INPP4B: variants seen among roughly 807,000 people sequenced by gnomAD.
INPP4B encodes the protein inositol polyphosphate 4-phosphatase type II.
A neutral mutation model predicts 122.5 loss-of-function variants in INPP4B; 55 were observed. The observed-to-expected ratio is 0.45, with a 90% confidence interval of 0.36 to 0.56. The LOEUF (loss-of-function observed/expected upper bound fraction) is 0.56. Among genes scored for constraint, INPP4B ranks in the 20% least tolerant of loss-of-function variants. The pLI is 0.00. For synonymous variants in INPP4B, 403 were observed against 388.7 expected (o/e 1.04, Z -0.43); for missense variants, 1,000 against 1,097.7 (o/e 0.91, Z 1.26).
chr4:142,194,458 TATG>T (rs1837326268), intron 14 of INPP4B, among the ~76,000 whole-genome samples: 1 of 152,182 alleles, frequency 6.6e-6, no homozygotes, highest in Non-Finnish European at 1.5e-5. Flanking sequence ...ACATCTGTTC[TATG>T]TCATGGAAAG....
chr4:142,156,911 A>C (rs1464406260), intron 17 of INPP4B, among the ~76,000 whole-genome samples: 1 of 152,166 alleles, frequency 6.6e-6, no homozygotes, highest in Non-Finnish European at 1.5e-5. Context: ...TCAGGTAATT[A>C]TTACAGTCAC....
intron 8 of INPP4B, 71 bp downstream of exon 8, chr4:142,314,641 G>C (rs1285786377): frequency 7.1e-6 from 10 of 1,398,860 alleles, no homozygotes; most frequent in Non-Finnish European, 9.9e-6. Flanking sequence ...CCAAGCAGGA[G>C]GCCAGAGAAA....
chr4:142,149,734 G>A (rs1812782985), intron 17 of INPP4B, among the ~76,000 whole-genome samples: 1 of 152,148 alleles, frequency 6.6e-6, no homozygotes, highest in African/African-American at 2.4e-5. Context: ...GGACCCTCAA[G>A]TTTGAGATCA....
At chr4:142,050,444 C>T (rs1753906628) in intron 25 of INPP4B, among the ~76,000 whole-genome samples, 1 of 151,832 alleles carries the variant, frequency 6.6e-6, no homozygotes, top group Non-Finnish European at 1.5e-5. Flanking sequence ...AGATTATTAG[C>T]TAGTGGATTC....
chr4:142,417,860 C>T (rs1047519843), intron 5 of INPP4B, among the ~76,000 whole-genome samples: 1 of 152,092 alleles, frequency 6.6e-6, no homozygotes, highest in African/African-American at 2.4e-5. Flanking sequence ...ATGTTGTAAG[C>T]TAAAATTTAA....
chr4:142,685,428 T>G (rs1399406664), intron 2 of INPP4B, among the ~76,000 whole-genome samples: 4 of 152,070 alleles, frequency 2.6e-5, no homozygotes, highest in African/African-American at 7.2e-5. Context: ...CAATAAATAT[T>G]TTAGTGACTT....
intron 18 of INPP4B, among the ~76,000 whole-genome samples, chr4:142,129,832 A>G (rs527823915): frequency 3.9e-5 from 6 of 152,120 alleles, no homozygotes; most frequent in East Asian, 1.9e-4. Context: ...TTCTTATATC[A>G]TTGCTCCCCC....
intron 3 of INPP4B, among the ~76,000 whole-genome samples, chr4:142,442,778 G>C (rs1812094112): frequency 6.6e-6 from 1 of 152,132 alleles, no homozygotes; most frequent in Non-Finnish European, 1.5e-5. Context: ...GTATTAGTCT[G>C]TTCTCACACT....
rs1276009653 is a variant in INPP4B at position 142,350,662 on chromosome 4, T to A, written c.373-35900A>T. On this transcript the variant is annotated intron_variant, in intron 7 of 25. Coordinates refer to ENST00000262992, the MANE Select transcript of INPP4B (RefSeq NM_001101669.3). ...GGTAAGATATTTTACAACACAGAAG[T>A]CATTTAAGAATGTCTAAGCCACTGT... Among the ~76,000 whole-genome samples the A allele has an allele frequency of 4.6e-5, 7 of 152,150 alleles. No homozygotes were observed. In the East Asian group the frequency reaches 1.2e-3, roughly 25 times the overall value.
At chr4:142,217,523 G>C (rs992307923) in intron 12 of INPP4B, among the ~76,000 whole-genome samples, 2 of 152,170 alleles carry the variant, frequency 1.3e-5, no homozygotes, top group Admixed American at 1.3e-4. Context: ...ATGAGACATG[G>C]TTCGGTCTTC....
At chr4:142,191,657 G>A (rs920279185) in intron 15 of INPP4B, among the ~76,000 whole-genome samples, 1 of 152,184 alleles carries the variant, frequency 6.6e-6, no homozygotes, top group Non-Finnish European at 1.5e-5. Context: ...TGAGAAGGGT[G>A]TGAATATTAA....
At chr4:142,168,839 A>G (rs1221745132) in intron 16 of INPP4B, among the ~76,000 whole-genome samples, 2 of 151,522 alleles carry the variant, frequency 1.3e-5, no homozygotes, top group East Asian at 1.9e-4. Context: ...TGTGAATTCT[A>G]GCAATCTTGG....
At chr4:142,348,392 C>T (rs1031849415) in intron 7 of INPP4B, among the ~76,000 whole-genome samples, 7 of 151,940 alleles carry the variant, frequency 4.6e-5, no homozygotes, top group Admixed American at 3.3e-4. Context: ...TATTTTTTTC[C>T]AGAATATTTT....
chr4:142,715,628 G>A (rs369709124), intron 2 of INPP4B, among the ~76,000 whole-genome samples: 2 of 152,212 alleles, frequency 1.3e-5, no homozygotes, highest in East Asian at 3.9e-4. Context: ...TGGAATGGCA[G>A]TACCAGGTAG....
intron 25 of INPP4B, among the ~76,000 whole-genome samples, chr4:142,046,193 T>C (rs909765723): frequency 6.6e-6 from 1 of 152,188 alleles, no homozygotes; most frequent in Non-Finnish European, 1.5e-5. Context: ...AAAAGTGTTA[T>C]TTATAGCAAC....
chr4:142,679,378 C>T (rs952684280), intron 2 of INPP4B, among the ~76,000 whole-genome samples: 2 of 151,802 alleles, frequency 1.3e-5, no homozygotes, highest in African/African-American at 4.8e-5. Context: ...ATTTGTTTGT[C>T]CTCTGGTAAA....
At chr4:142,836,719 T>TACACACACACACACACACACACACACAC (rs138777384) in intron 1 of INPP4B, among the ~76,000 whole-genome samples, 1 of 146,408 alleles carries the variant, frequency 6.8e-6, no homozygotes, top group Non-Finnish European at 1.5e-5. Flanking sequence ...AAGTACTGTC[T>TACACACACACACACACACACACACACAC]ACACACACAC....
chr4:142,845,358 A>C (rs1378417604), intron 1 of INPP4B, among the ~76,000 whole-genome samples: 1 of 152,086 alleles, frequency 6.6e-6, no homozygotes, highest in Non-Finnish European at 1.5e-5. Flanking sequence ...CTGAAACTAC[A>C]TTCAGGAACC....
chr4:142,237,319 C>T (rs1040725232), intron 12 of INPP4B, among the ~76,000 whole-genome samples: 2 of 151,974 alleles, frequency 1.3e-5, no homozygotes, highest in Non-Finnish European at 2.9e-5. Flanking sequence ...AATTATTGGC[C>T]AGATACCAAG....
Sources: gnomAD v4.1 joint callset for allele counts (sites outside exome capture counted in the v4.1 genomes callset) on GRCh38, gnomAD v4.1.1 for gene constraint, MANE v1.5 for transcripts, NCBI Gene and HGNC (gene_info 2026-07-23, HGNC 2026-07-21) for gene names.